The following PRMT7 variants were observed in gnomAD, a reference collection of about 807,000 sequenced individuals.
The protein encoded by PRMT7 is protein arginine methyltransferase 7.
PRMT7 carries 75 observed loss-of-function variants against 85.4 expected under a neutral mutation model. The ratio of observed to expected loss-of-function variants is 0.88; its 90% confidence interval spans 0.73 to 1.06. The LOEUF (loss-of-function observed/expected upper bound fraction) is 1.06. PRMT7 is among the 50% of genes least tolerant of loss of function. The pLI, the probability that PRMT7 is intolerant of heterozygous loss-of-function variation, is 0.00. For missense variants in PRMT7, 868 were observed against 915.2 expected (o/e 0.95, Z 0.67); for synonymous variants, 397 against 359.5 (o/e 1.10, Z -1.18).
At chr16:68,352,951 A>G (rs1336511535) in intron 15 of PRMT7, among the ~76,000 whole-genome samples, 1 of 152,216 alleles carries the variant, frequency 6.6e-6, no homozygotes, top group African/African-American at 2.4e-5. Context: ...TGGCTCCATC[A>G]CTGAAAGTCT....
chr16:68,317,698 A>G (rs2082027058), intron 3 of PRMT7, among the ~76,000 whole-genome samples: 1 of 151,532 alleles, frequency 6.6e-6, no homozygotes, highest in African/African-American at 2.4e-5. Flanking sequence ...GTGGTGGCGC[A>G]TGCATGCCTG....
At chr16:68,329,030 G>C in intron 5 of PRMT7, 36 bp from the exon 6 acceptor site, 1 of 1,438,078 alleles carries the variant, frequency 7.0e-7, no homozygotes, top group Non-Finnish European at 9.8e-7. Flanking sequence ...TTAATTTATT[G>C]CTCATTTTTC....
chr16:68,350,074 C>T (rs2087056725), intron 14 of PRMT7, among the ~76,000 whole-genome samples: 1 of 152,244 alleles, frequency 6.6e-6, no homozygotes, highest in Admixed American at 6.5e-5. Flanking sequence ...TCTTGTGAGT[C>T]TGGCTCCTTT....
intron 11 of PRMT7, 147 bp from the exon 12 acceptor site, chr16:68,347,064 G>A (rs1597425958): frequency 3.0e-6 from 2 of 665,498 alleles, no homozygotes; most frequent in Admixed American, 2.7e-5. Context: ...GTTTGTGGCT[G>A]GGGGTGGTTA....
At position 68,319,467 on chromosome 16, in the gene PRMT7, AGT is replaced by A. The variant is rs944994161; in HGVS notation, c.96-1955_96-1954del. On this transcript the variant is annotated intron_variant, in intron 3 of 18. Transcript: ENST00000441236. ...GATGTCAGTGGAGTGGTGGGCAGTA[AGT>A]GTGAAGAGGCCAGGAAGGTGGTGAG... 5.3e-5 allele frequency among the ~76,000 whole-genome samples: 8 copies of A among 151,944 alleles called. No individual in the cohort carries two copies. The South Asian group carries it at 6.3e-4, about 12-fold the overall frequency.
rs140260314 is a variant in PRMT7 at position 68,355,860 on chromosome 16, C to G, written c.1788C>G (p.Ala596=). ...QQPVPLQPLC[A]EGTVELRRPG... ...CGGTGCCCCTGCAGCCCCTGTGTGC[C>G]GAGGGCACCGTGGAGCTCAGAAGGT... Residue 596 remains alanine, a synonymous_variant, in exon 17 of 19, where the codon GCC becomes GCG. Coordinates refer to ENST00000441236, the MANE Select transcript of PRMT7 (RefSeq NM_019023.5). 1 of 1,605,140 alleles carries G rather than the reference C, an allele frequency of 6.2e-7. No individual in the cohort carries two copies. The highest frequency in any genetic ancestry group is 8.5e-7 in the Non-Finnish European group (1 of 1,178,026).
chr16:68,311,059 A>T lies in PRMT7; in HGVS notation c.-259A>T. Reference sequence around the variant, plus strand: ...CGCCCCGCGTGCTGGCCGCGGTAAAAGTGGTAGCAGCGGAGGCGAGCGGAG... The same window carrying T: ...CGCCCCGCGTGCTGGCCGCGGTAAATGTGGTAGCAGCGGAGGCGAGCGGAG... On this transcript the variant is annotated 5_prime_UTR_variant, in exon 1 of 19. The change creates a new upstream start codon in the 5' untranslated region. Transcript: ENST00000441236. 1.2e-6 allele frequency: 1 copy of T among 845,018 alleles called. No individual in the cohort carries two copies. Among genetic ancestry groups the T allele is most frequent in the Non-Finnish European group, 1.9e-6 (1 of 517,212 alleles). 52.3% of individuals were successfully genotyped at this position (845,018 alleles called of 1,614,324 possible). A position where few individuals can be genotyped will look rare whatever the true frequency, so the allele number is the denominator to read the frequency against.
At chr16:68,346,402 T>G (rs988992153) in intron 11 of PRMT7, 122 bp downstream of exon 11, 19 of 1,410,132 alleles carry the variant, frequency 1.3e-5, no homozygotes, top group Middle Eastern at 2.2e-4. Context: ...TATGAGTGGC[T>G]TCAGCGAGCG....
intron 4 of PRMT7, among the ~76,000 whole-genome samples, chr16:68,322,691 G>C (rs2082636032): frequency 6.6e-6 from 1 of 151,180 alleles, no homozygotes; most frequent in Non-Finnish European, 1.5e-5. Context: ...TGCCATCCCT[G>C]GTTTACAATT....
At chr16:68,337,688 A>G (rs12920348) in intron 7 of PRMT7, 117 bp downstream of exon 7, 23,236 of 478,766 alleles carry the variant, frequency 0.049, 650 homozygotes, top group Middle Eastern at 0.1. Context: ...TACACCTGGG[A>G]CACCCCTCCA....
intron 9 of PRMT7, among the ~76,000 whole-genome samples, chr16:68,341,310 AT>A (rs2085498986): frequency 6.6e-6 from 1 of 152,214 alleles, no homozygotes; most frequent in South Asian, 2.1e-4. Context: ...ACACCATGGC[AT>A]TGCAATAAAG....
chr16:68,312,229 A>ATATATATTTTT (rs1419393129), intron 2 of PRMT7, 53 bp downstream of exon 2: 1 of 112,692 alleles, frequency 8.9e-6, no homozygotes, highest in African/African-American at 3.7e-5. Context: ...ATATATATAT[A>ATATATATTTTT]TTTTTTTTTT....
At chr16:68,312,547 G>C (rs1449028083) in intron 2 of PRMT7, among the ~76,000 whole-genome samples, 2 of 152,110 alleles carry the variant, frequency 1.3e-5, no homozygotes, top group Non-Finnish European at 2.9e-5. Flanking sequence ...AATACATTTT[G>C]AATGAATGTA....
rs1044956800 is a variant in PRMT7, at chr16:68,340,262, A to C, written c.927+294A>C. ...AGATACCACCCCTCATCCCCTGAGT[A>C]ATCCCAGGGGGCTCCCATCAGCTTG... On this transcript the variant is annotated intron_variant, in intron 9 of 18. Coordinates refer to ENST00000441236, the MANE Select transcript of PRMT7 (RefSeq NM_019023.5). Among the ~76,000 whole-genome samples the C allele has an allele frequency of 9.9e-5, 15 of 152,248 alleles. No individual in the cohort carries two copies. The East Asian group carries it at 2.3e-3, about 24-fold the overall frequency.
chr16:68,328,255 A>C (rs968402340), intron 5 of PRMT7: 2 of 185,412 alleles, frequency 1.1e-5, no homozygotes, highest in African/African-American at 2.4e-5. Context: ...CTTTGATGTT[A>C]TCATAAATAC....
At chr16:68,353,403 G>A in intron 15 of PRMT7, 89 bp from the exon 16 acceptor site, 1 of 1,592,756 alleles carries the variant, frequency 6.3e-7, no homozygotes, top group African/African-American at 1.3e-5. Flanking sequence ...AGGTGTGCAG[G>A]GAACAGCAAG....
intron 4 of PRMT7, among the ~76,000 whole-genome samples, chr16:68,323,038 AAAAATT>A (rs1366690072): frequency 6.6e-6 from 1 of 152,170 alleles, no homozygotes; most frequent in Non-Finnish European, 1.5e-5. Context: ...TCTCAAAAAA[AAAAATT>A]GTGGTAAAAA....
At chr16:68,339,764 A>G in intron 8 of PRMT7, 24 bp from the exon 9 acceptor site, 1 of 1,607,440 alleles carries the variant, frequency 6.2e-7, no homozygotes, top group Non-Finnish European at 8.5e-7. Context: ...AACTCTGCTT[A>G]CATTCTTGAA....
chr16:68,337,516 T>C lies in PRMT7; in HGVS notation c.449T>C (p.Leu150Pro), dbSNP rs1378382278. 1.9e-6 allele frequency: 3 copies of C among 1,612,140 alleles called. No individual in the cohort carries two copies. Among genetic ancestry groups the C allele is most frequent in the Non-Finnish European group, 2.5e-6 (3 of 1,178,798 alleles). The change falls in exon 7 of 19, where the codon CTG becomes CCG. Residue 150 changes from leucine to proline, a missense_variant. By Grantham distance (98) the Leu-to-Pro change is moderately conservative (BLOSUM62 -3). Transcript: ENST00000441236. Reference sequence around the variant, plus strand: ...GTCACAGAGTTGTTTGACACAGAGCTGATCGGGGAGGGGGCGCTGCCCTCC... The same window carrying C: ...GTCACAGAGTTGTTTGACACAGAGCCGATCGGGGAGGGGGCGCTGCCCTCC... Reference protein sequence around the residue: ...ILVTELFDTELIGEGALPSYE... With the variant: ...ILVTELFDTEPIGEGALPSYE...
Sources: allele counts gnomAD v4.1 joint callset (sites outside exome capture counted in the v4.1 genomes callset), GRCh38; gene constraint gnomAD v4.1.1; transcripts MANE v1.5; gene names NCBI Gene and HGNC (gene_info 2026-07-23, HGNC 2026-07-21).